MAX: variants seen among roughly 807,000 people sequenced by gnomAD.
MAX encodes the protein MYC associated transcriptional regulator X.
In MAX, 3 loss-of-function variants were observed where a neutral mutation model predicts 22.3. The observed-to-expected ratio is 0.13, with a 90% CI of 0.06 to 0.35. MAX has a LOEUF of 0.35. MAX is among the 10% of genes least tolerant of loss of function. The pLI, the probability that MAX is intolerant of heterozygous loss-of-function variation, is 1.00. For missense variants in MAX, 119 were observed against 209.4 expected, an observed-to-expected ratio of 0.57 and a Z score of 2.66; for synonymous variants, 72 against 77.7, an observed-to-expected ratio of 0.93 and a Z score of 0.39.
At chr14:65,056,139 CA>C (rs2139683620) in intron 3 of MAX, among the ~76,000 whole-genome samples, 1 of 152,284 alleles carries the variant, frequency 6.6e-6, no homozygotes, top group East Asian at 1.9e-4. Context: ...TGCATGTTTT[CA>C]AACTTTTTGT....
At position 65,011,175 on chromosome 14, in the gene MAX, T is replaced by G. The variant is rs1171203043; in HGVS notation, c.172-4891A>C. ...TGGGTGCGGTGGCTCACGCCTGTAA[T>G]CCCAGCATTTTGGGAGGCCAAGGCA... On this transcript the variant is annotated intron_variant, in intron 3 of 3. Transcript: ENST00000341653. This position sits in a 1 kb window ranked among gnomAD's most constrained non-coding sequence, Gnocchi z 4.0. Among the ~76,000 whole-genome samples, 3 of 152,188 alleles carry G rather than the reference T, an allele frequency of 2.0e-5. No individual in the cohort carries two copies. The highest frequency in any genetic ancestry group is 2.9e-5 in the Non-Finnish European group (2 of 68,030).
At chr14:65,006,194 CTT>C in exon 4 of MAX, 1 of 1,411,306 alleles carries the variant, frequency 7.1e-7, no homozygotes, top group African/African-American at 1.6e-5. Flanking sequence ...CCTTAAGAAA[CTT>C]TTTCTGATTA....
downstream of MAX, among the ~76,000 whole-genome samples, chr14:65,071,681 C>G (rs994843582): frequency 6.6e-6 from 1 of 152,242 alleles, no homozygotes. The surrounding 1 kb of genome is among the most constrained non-coding windows in gnomAD (Gnocchi z 4.2). Flanking sequence ...GCATGGCAGT[C>G]CAGACAGGCG....
intron 3 of MAX, among the ~76,000 whole-genome samples, chr14:65,042,796 G>GAACC (rs1298950484): frequency 6.6e-6 from 1 of 152,140 alleles, no homozygotes; most frequent in Non-Finnish European, 1.5e-5. Flanking sequence ...TAGAAATGAG[G>GAACC]AACCGACTCC....
chr14:65,018,909 G>A (rs966726991), intron 3 of MAX, among the ~76,000 whole-genome samples: 1 of 151,868 alleles, frequency 6.6e-6, no homozygotes, highest in African/African-American at 2.4e-5. Context: ...TCGGGAGTTT[G>A]AGACCAGCCT....
chr14:65,033,051 G>T (rs1335258910), intron 3 of MAX, among the ~76,000 whole-genome samples: 1 of 152,170 alleles, frequency 6.6e-6, no homozygotes, highest in African/African-American at 2.4e-5. Context: ...ACACGAATGG[G>T]AGAGAGGAGC....
chr14:65,039,816 G>A (rs532778723), intron 3 of MAX, among the ~76,000 whole-genome samples: 6 of 152,098 alleles, frequency 3.9e-5, no homozygotes, highest in Non-Finnish European at 8.8e-5. Flanking sequence ...TTTTTTAATA[G>A]TATACAGGTT....
In MAX at chr14:65,027,856, A is replaced by G; in HGVS notation, c.172-21572T>C. On this transcript the variant is annotated intron_variant, in intron 3 of 3. Coordinates refer to the MAX transcript ENST00000341653. The surrounding 1 kb of genome is among the most constrained non-coding windows in gnomAD (Gnocchi z 5.7). ...TCTGCCATTAGAGATGCCAAGCCTA[A>G]GGAACATCATGGGGAAGCTGCTGCT... 2 of 1,589,448 alleles carry G rather than the reference A, an allele frequency of 1.3e-6. No individual in the cohort carries two copies. Among genetic ancestry groups the G allele is most frequent in the South Asian group, 2.2e-5 (2 of 89,224 alleles).
In MAX at chr14:65,054,754, A is replaced by C; in HGVS notation, c.171+38954T>G. On this transcript the variant is annotated intron_variant, in intron 3 of 3. Transcript: ENST00000341653. The surrounding 1 kb of genome is among the most constrained non-coding windows in gnomAD (Gnocchi z 4.4). ...GACCTCGCGGACAGAAGGCTTTCCA[A>C]GTAAGCAGAACTGGCTCTGCATTTC... is the stretch of plus-strand genomic sequence containing the variant. The C allele has an allele frequency of 6.6e-7, 1 of 1,515,230 alleles. No individual in the cohort carries two copies. The highest frequency in any genetic ancestry group is 9.0e-7 in the Non-Finnish European group (1 of 1,115,128). The allele number at this position is 1,515,230 out of a possible 1,614,324, so 93.9% of individuals were successfully genotyped here.
chr14:65,031,619 T>C lies in MAX; in HGVS notation c.172-25335A>G, dbSNP rs1418977479. ...GCATGAGCAACTGTGCCCAGCCTAA[T>C]AATGCTTTTTTAAAAAATAGCCCGG... is the stretch of plus-strand genomic sequence containing the variant. On this transcript the variant is annotated intron_variant, in intron 3 of 3. Transcript: ENST00000341653. This position sits in a 1 kb window ranked among gnomAD's most constrained non-coding sequence, Gnocchi z 4.6. 2.0e-5 allele frequency among the ~76,000 whole-genome samples: 3 copies of C among 151,918 alleles called. No individual in the cohort carries two copies. The highest frequency in any genetic ancestry group is 4.4e-5 in the Non-Finnish European group (3 of 67,978).
Position 65,012,690 on chromosome 14 carries a change from C to A in MAX, c.172-6406G>T, listed in dbSNP as rs551939614. On this transcript the variant is annotated intron_variant, in intron 3 of 3. Transcript: ENST00000341653. This position sits in a 1 kb window ranked among gnomAD's most constrained non-coding sequence, Gnocchi z 5.0. ...GACCTCCTTGACAGCTGGCTAAATG[C>A]CAGTTACCTGTTCACCCTTAACCCT... Among the ~76,000 whole-genome samples, 3 of 152,202 alleles carry A rather than the reference C, an allele frequency of 2.0e-5. No homozygotes were observed. The highest frequency in any genetic ancestry group is 1.3e-4 in the Admixed American group (2 of 15,278).
At chr14:65,092,074 A>G (rs1353787308) in intron 3 of MAX, among the ~76,000 whole-genome samples, 3 of 152,276 alleles carry the variant, frequency 2.0e-5, no homozygotes, top group Non-Finnish European at 4.4e-5. Context: ...TAATGTAATT[A>G]TAAGGACTTA....
At chr14:65,096,004 A>G (rs1250721636) in intron 2 of MAX, among the ~76,000 whole-genome samples, 4 of 152,154 alleles carry the variant, frequency 2.6e-5, no homozygotes, top group African/African-American at 9.7e-5. Flanking sequence ...AAGGACTCAA[A>G]TGGACAAGTC....
At chr14:65,083,081 G>C (rs1411789973) in intron 3 of MAX, among the ~76,000 whole-genome samples, 1 of 152,130 alleles carries the variant, frequency 6.6e-6, no homozygotes, top group Non-Finnish European at 1.5e-5. Flanking sequence ...TGTGGCAGAG[G>C]GTCTGCCAGG....
Position 65,079,423 on chromosome 14 carries a change from T to C in MAX, c.172-1387A>G, listed in dbSNP as rs2063147563. On this transcript the variant is annotated intron_variant, in intron 3 of 4. Transcript: ENST00000358664. The surrounding 1 kb of genome is among the most constrained non-coding windows in gnomAD (Gnocchi z 4.5). ...CAATAACATGGATGTCATGTTACTG[T>C]GCCCCTAGACATCAAACTTGTCTGG... Among the ~76,000 whole-genome samples, 1 of 152,254 alleles carries C rather than the reference T, an allele frequency of 6.6e-6. No individual in the cohort carries two copies. Among genetic ancestry groups the C allele is most frequent in the Admixed American group, 6.5e-5 (1 of 15,290 alleles).
chr14:65,080,645 C>T (rs1025775278), intron 3 of MAX, among the ~76,000 whole-genome samples: 1 of 152,192 alleles, frequency 6.6e-6, no homozygotes, highest in Non-Finnish European at 1.5e-5. Context: ...CCATCTAGCC[C>T]TCCAAAGTCT....
At chr14:65,086,275 T>C (rs1188099973) in intron 3 of MAX, among the ~76,000 whole-genome samples, 2 of 152,136 alleles carry the variant, frequency 1.3e-5, no homozygotes, top group Non-Finnish European at 2.9e-5. Context: ...TTGGTACCAG[T>C]AGAGTAGGGC....
chr14:65,093,596 A>C lies in MAX; in HGVS notation c.171+112T>G, dbSNP rs1443323507. The C allele has an allele frequency of 2.9e-5, 21 of 734,502 alleles. No individual in the cohort carries two copies. Among genetic ancestry groups the C allele is most frequent in the Non-Finnish European group, 5.1e-5 (20 of 395,920 alleles). 45.5% of individuals were successfully genotyped at this position (734,502 alleles called of 1,614,324 possible). On this transcript the variant is annotated intron_variant, in intron 3 of 4. Coordinates refer to ENST00000358664, the MANE Select transcript of MAX (RefSeq NM_002382.5). This position sits in a 1 kb window ranked among gnomAD's most constrained non-coding sequence, Gnocchi z 4.4. ...CAGTCAAAAATAAGGCAACCATGCT[A>C]CCTGAATATCTCTGACTACATTTCC... is the stretch of plus-strand genomic sequence containing the variant.
rs2063078902 is a variant in MAX at position 65,077,059 on chromosome 14, TGACATAA to T, written c.296-403_296-397del. 3.6e-6 allele frequency: 2 copies of T among 558,042 alleles called. No homozygotes were observed. Among genetic ancestry groups the T allele is most frequent in the East Asian group, 6.2e-5 (2 of 32,166 alleles). 34.6% of individuals were successfully genotyped at this position (558,042 alleles called of 1,614,324 possible). ...GAGGCCACACAACAGCAGGAAAGGA[TGACATAA>T]GACGTATCAGCCAAAGAACAGTTTT... On this transcript the variant is annotated intron_variant, in intron 4 of 4. Transcript: ENST00000358664. The surrounding 1 kb of genome is among the most constrained non-coding windows in gnomAD (Gnocchi z 6.3).
Sources: gnomAD v4.1 joint callset for allele counts (sites outside exome capture counted in the v4.1 genomes callset) on GRCh38, gnomAD v4.1.1 for gene constraint, Gnocchi (gnomAD v3.1) non-coding constraint, MANE v1.5 for transcripts, NCBI Gene and HGNC (gene_info 2026-07-23, HGNC 2026-07-21) for gene names.